The following DLGAP2 variants were observed in gnomAD, a reference collection of about 807,000 sequenced individuals.
The protein encoded by DLGAP2 is DLG associated protein 2, also known as disks large-associated protein 2.
In DLGAP2, 26 loss-of-function variants were observed where a neutral mutation model predicts 100.3. The observed-to-expected ratio is 0.26, with a 90% CI of 0.19 to 0.36. The LOEUF is 0.36. Ranked by LOEUF, DLGAP2 falls within the 10% of genes least tolerant of loss-of-function variation. The pLI is 1.00. For missense variants in DLGAP2, 1,858 were observed against 1,453.2 expected, an observed-to-expected ratio of 1.28 and a Z score of -4.53; for synonymous variants, 886 against 630.1, an observed-to-expected ratio of 1.41 and a Z score of -6.08.
At chr8:1,008,521 A>G (rs1316336019) in intron 2 of DLGAP2, among the ~76,000 whole-genome samples, 1 of 152,254 alleles carries the variant, frequency 6.6e-6, no homozygotes, top group Non-Finnish European at 1.5e-5. Context: ...TTGATGCATT[A>G]TAATTTCCGA....
At chr8:1,037,172 C>A (rs1366225793) in intron 2 of DLGAP2, among the ~76,000 whole-genome samples, 2 of 152,166 alleles carry the variant, frequency 1.3e-5, no homozygotes, top group Non-Finnish European at 2.9e-5. Flanking sequence ...CGCCTGCACC[C>A]AGGGAGCTCA....
chr8:1,488,739 A>G (rs142918668), intron 3 of DLGAP2, among the ~76,000 whole-genome samples: 342 of 152,342 alleles, frequency 2.2e-3, no homozygotes, highest in African/African-American at 7.6e-3. Flanking sequence ...CACGATGGGC[A>G]TGACGACGTT....
In DLGAP2 at chr8:1,218,987, C is replaced by G. The variant is rs79297549; in HGVS notation, c.74-39864C>G. 2.7e-3 allele frequency among the ~76,000 whole-genome samples: 405 copies of G among 152,212 alleles called. 16 individuals carry two copies. In the East Asian group the frequency reaches 0.068, roughly 26 times the overall value. ...TGTACACTGAGTTTATATCCTGAGA[C>G]TTTACTGAAGTTTATCAGTTTTAGG... On this transcript the variant is annotated intron_variant, in intron 2 of 14. Coordinates refer to ENST00000637795, the MANE Select transcript of DLGAP2 (RefSeq NM_001346810.2).
At chr8:1,001,813 A>T (rs1392925326) in intron 2 of DLGAP2, among the ~76,000 whole-genome samples, 4 of 152,190 alleles carry the variant, frequency 2.6e-5, no homozygotes, top group African/African-American at 9.7e-5. Flanking sequence ...AGGAACAAGG[A>T]AGAAATCTTG....
intron 1 of DLGAP2, among the ~76,000 whole-genome samples, chr8:771,956 G>A (rs927747967): frequency 1.3e-5 from 2 of 152,160 alleles, no homozygotes; most frequent in African/African-American, 4.8e-5. Flanking sequence ...AGGCTGGAGT[G>A]CAGTGGCACC....
At chr8:740,605 T>A (rs1820459454) in intron 1 of DLGAP2, among the ~76,000 whole-genome samples, 1 of 152,220 alleles carries the variant, frequency 6.6e-6, no homozygotes, top group Admixed American at 6.5e-5. Flanking sequence ...TTACATTGGA[T>A]TCTGTGTACC....
At chr8:1,023,524 C>T (rs79262049) in intron 2 of DLGAP2, among the ~76,000 whole-genome samples, 3,885 of 152,208 alleles carry the variant, frequency 0.026, 242 homozygotes, top group Admixed American at 0.12. Flanking sequence ...CAGCAACAAG[C>T]GAGTTACTGA....
chr8:818,026 A>G (rs1031389343), intron 1 of DLGAP2, among the ~76,000 whole-genome samples: 1 of 151,968 alleles, frequency 6.6e-6, no homozygotes, highest in African/African-American at 2.4e-5. Context: ...TTAAATATTC[A>G]GGTTTCTCGG....
At chr8:1,376,346 T>C in intron 3 of DLGAP2, among the ~76,000 whole-genome samples, 1 of 152,198 alleles carries the variant, frequency 6.6e-6, no homozygotes, top group Admixed American at 6.5e-5. Flanking sequence ...TGCACCGCAG[T>C]CCCTCTAGAG....
At chr8:1,241,679 A>C (rs1289563792) in intron 2 of DLGAP2, among the ~76,000 whole-genome samples, 2 of 152,134 alleles carry the variant, frequency 1.3e-5, no homozygotes, top group Admixed American at 1.3e-4. Context: ...AATTAACTGT[A>C]TAATTTTAAT....
At chr8:1,544,351 G>T (rs1047205406) in intron 4 of DLGAP2, among the ~76,000 whole-genome samples, 1 of 152,144 alleles carries the variant, frequency 6.6e-6, no homozygotes, top group African/African-American at 2.4e-5. Context: ...CCTGTAACCT[G>T]CTCCTTTGCT....
At chr8:972,570 C>G (rs1361103256) in intron 2 of DLGAP2, among the ~76,000 whole-genome samples, 1 of 152,048 alleles carries the variant, frequency 6.6e-6, no homozygotes, top group African/African-American at 2.4e-5. Context: ...AAGGAACTTC[C>G]AAACTGAAAA....
chr8:1,003,088 C>G lies in DLGAP2; in HGVS notation c.73+95122C>G, dbSNP rs550296192. 2.6e-5 allele frequency: 4 copies of G among 152,518 alleles called. No homozygotes were observed. In the South Asian group the frequency reaches 6.2e-4, roughly 24 times the overall value. The allele number at this position is 152,518 out of a possible 1,614,324, so 9.4% of individuals were successfully genotyped here. A position where few individuals can be genotyped will look rare whatever the true frequency, so the allele number is the denominator to read the frequency against. ...CCTGAGCCACTGTCTACCCCCTGCT[C>G]CATCCCAAATGCAGAGACCCCTGAG... On this transcript the variant is annotated intron_variant, in intron 2 of 14. Transcript: ENST00000637795.
At chr8:1,496,809 G>A (rs12543934) in intron 3 of DLGAP2, among the ~76,000 whole-genome samples, 3,415 of 152,288 alleles carry the variant, frequency 0.022, 67 homozygotes, top group Non-Finnish European at 0.032. Flanking sequence ...CCATCCGCAC[G>A]TTCGCTGCTG....
At chr8:1,666,271 G>A (rs541405082) in intron 8 of DLGAP2, among the ~76,000 whole-genome samples, 54 of 152,292 alleles carry the variant, frequency 3.5e-4, no homozygotes, top group African/African-American at 1.2e-3. Flanking sequence ...TTGAATGTTT[G>A]TCTGGTAAAA....
chr8:1,543,225 A>AT, intron 4 of DLGAP2, among the ~76,000 whole-genome samples: 1 of 151,984 alleles, frequency 6.6e-6, no homozygotes, highest in Non-Finnish European at 1.5e-5. Flanking sequence ...TTTTATCTAT[A>AT]TTTTTTCCTG....
chr8:1,119,709 G>T (rs140283052), intron 2 of DLGAP2, among the ~76,000 whole-genome samples: 1 of 152,316 alleles, frequency 6.6e-6, no homozygotes, highest in East Asian at 1.9e-4. Context: ...TATCCCCAGG[G>T]ACTGTCAAAC....
chr8:856,187 T>TC (rs1554433991), intron 1 of DLGAP2, among the ~76,000 whole-genome samples: 9,368 of 50,116 alleles, frequency 0.19, 250 homozygotes, highest in Admixed American at 0.27. Flanking sequence ...TTCTTCTTCT[T>TC]TTTTTTTTTT....
intron 3 of DLGAP2, among the ~76,000 whole-genome samples, chr8:1,378,535 GAC>G (rs1455368700): frequency 7.8e-6 from 1 of 128,668 alleles, no homozygotes; most frequent in Non-Finnish European, 1.6e-5. Context: ...ACCTGTCCCT[GAC>G]ACACACAGCT....
Sources: allele counts gnomAD v4.1 joint callset (sites outside exome capture counted in the v4.1 genomes callset), GRCh38; gene constraint gnomAD v4.1.1; transcripts MANE v1.5; gene names NCBI Gene and HGNC (gene_info 2026-07-23, HGNC 2026-07-21).